ABI1: variants seen among roughly 807,000 people sequenced by gnomAD.
ABI1 encodes abl interactor 1.
In ABI1, 14 loss-of-function variants were observed where a neutral mutation model predicts 54.6. The observed-to-expected ratio is 0.26, with a 90% CI of 0.17 to 0.40. ABI1 has a LOEUF of 0.40. Among genes scored for constraint, ABI1 ranks in the 10% least tolerant of loss-of-function variants. The pLI is 1.00. For synonymous variants in ABI1, 194 were observed against 209.3 expected (o/e 0.93, Z 0.63); for missense variants, 443 against 598.3 (o/e 0.74, Z 2.71).
chr10:26,811,415 T>C (rs973354879), intron 2 of ABI1, among the ~76,000 whole-genome samples: 9 of 152,270 alleles, frequency 5.9e-5, no homozygotes, highest in East Asian at 1.9e-4. Context: ...AAAGCAAGCA[T>C]GCTTAATTAA....
Position 26,777,115 on chromosome 10 carries a change from G to T in ABI1, c.412C>A (p.Arg138=), listed in dbSNP as rs561788174. Residue 138 remains arginine, a synonymous_variant, in exon 3 of 11, where the codon CGG becomes AGG. Coordinates refer to ENST00000376140, the MANE Select transcript of ABI1 (RefSeq NM_001012750.3). ...ANMERPVRYI[R]KPIDYTVLDD... Reference sequence around the variant, plus strand: ...AGAACTGTGTAATCGATAGGTTTCCGAATATACCTTACAGGGCGCTCCATA... The same window carrying T: ...AGAACTGTGTAATCGATAGGTTTCCTAATATACCTTACAGGGCGCTCCATA... 6.2e-7 allele frequency: 1 copy of T among 1,613,568 alleles called. No homozygotes were observed. The highest frequency in any genetic ancestry group is 8.5e-7 in the Non-Finnish European group (1 of 1,179,884).
At chr10:26,853,299 C>CT (rs1266520363) in intron 1 of ABI1, among the ~76,000 whole-genome samples, 5 of 94,718 alleles carry the variant, frequency 5.3e-5, no homozygotes, top group Admixed American at 1.0e-4. Flanking sequence ...TCAACAATGC[C>CT]CTTTTTTTTT....
chr10:26,819,504 T>C (rs1206440179), intron 2 of ABI1, among the ~76,000 whole-genome samples: 1 of 152,206 alleles, frequency 6.6e-6, no homozygotes, highest in Admixed American at 6.5e-5. Context: ...TTTACCTTCC[T>C]TAATAATTGA....
chr10:26,756,396 A>G (rs1838311187), intron 8 of ABI1, among the ~76,000 whole-genome samples: 1 of 152,170 alleles, frequency 6.6e-6, no homozygotes, highest in African/African-American at 2.4e-5. Context: ...TCCTAAATTT[A>G]CAAGGGAATA....
At chr10:26,859,716 C>G (rs117838627) in intron 1 of ABI1, among the ~76,000 whole-genome samples, 2 of 152,292 alleles carry the variant, frequency 1.3e-5, no homozygotes, top group East Asian at 3.9e-4. Flanking sequence ...CGTTGTAGTT[C>G]AGAGGCTACC....
chr10:26,846,084 G>A (rs1372814399), intron 1 of ABI1, among the ~76,000 whole-genome samples: 3 of 151,560 alleles, frequency 2.0e-5, no homozygotes, highest in African/African-American at 7.3e-5. Flanking sequence ...AGAGGTTGCA[G>A]TGAGCTGAGA....
intron 10 of ABI1, among the ~76,000 whole-genome samples, chr10:26,750,465 G>A (rs1450410274): frequency 2.0e-5 from 3 of 152,202 alleles, no homozygotes; most frequent in Non-Finnish European, 2.9e-5. Context: ...CTGCACTCCA[G>A]CCTGGGAGAC....
intron 9 of ABI1, among the ~76,000 whole-genome samples, chr10:26,754,288 T>C (rs1289972061): frequency 6.6e-6 from 1 of 152,192 alleles, no homozygotes; most frequent in Non-Finnish European, 1.5e-5. Context: ...TAGCTGGAAC[T>C]ACAGGCACAT....
intron 2 of ABI1, among the ~76,000 whole-genome samples, chr10:26,801,942 A>T (rs1178448823): frequency 6.6e-6 from 1 of 152,262 alleles, no homozygotes; most frequent in Non-Finnish European, 1.5e-5. Context: ...AAATGCTATG[A>T]AGGGAAAGTA....
intron 1 of ABI1, among the ~76,000 whole-genome samples, chr10:26,854,228 A>T (rs1015357777): frequency 2.0e-5 from 3 of 152,214 alleles, no homozygotes; most frequent in African/African-American, 7.2e-5. Flanking sequence ...GAGGTTCTAA[A>T]CAGACCAGGA....
chr10:26,797,134 C>G (rs1481562942), intron 2 of ABI1, among the ~76,000 whole-genome samples: 1 of 152,076 alleles, frequency 6.6e-6, no homozygotes. Context: ...TTTTTTAAGT[C>G]TAAAGGAAAG....
In ABI1 at chr10:26,759,098, G is replaced by A; in HGVS notation, c.961C>T (p.His321Tyr). 6.2e-7 allele frequency: 1 copy of A among 1,614,038 alleles called. No homozygotes were observed. The change falls in exon 8 of 11, where the codon CAT (histidine) becomes TAT (tyrosine). Residue 321 changes from histidine to tyrosine, a missense_variant. Transcript: ENST00000376140. ...GAATAAAGTGGACCTCCATTAACAT[G>A]AGGCTGAGCAGAAAATTGAGCAGTC... Reference protein sequence around the residue: ...SVTAQFSAQPHVNGGPLYSQN... With the variant: ...SVTAQFSAQPYVNGGPLYSQN...
chr10:26,763,820 G>A, intron 7 of ABI1: 1 of 1,430,894 alleles, frequency 7.0e-7, no homozygotes, highest in South Asian at 1.1e-5. Context: ...CTAGCACAGA[G>A]GAGTTTATTA....
chr10:26,858,620 G>C (rs938482476), intron 1 of ABI1, among the ~76,000 whole-genome samples: 2 of 147,692 alleles, frequency 1.4e-5, no homozygotes, highest in African/African-American at 5.0e-5. Flanking sequence ...TATAAAGTGA[G>C]AGACTGTATG....
In ABI1 at chr10:26,860,002, T is replaced by C. The variant is rs1034766320; in HGVS notation, c.117+745A>G. Among the ~76,000 whole-genome samples the C allele has an allele frequency of 6.6e-6, 1 of 150,908 alleles. No homozygotes were observed. The highest frequency in any genetic ancestry group is 2.4e-5 in the African/African-American group (1 of 41,042). On this transcript the variant is annotated intron_variant, in intron 1 of 10. Coordinates refer to ENST00000376140, the MANE Select transcript of ABI1 (RefSeq NM_001012750.3). This position sits in a 1 kb window ranked among gnomAD's most constrained non-coding sequence, Gnocchi z 4.1. ...GAAAACGATGAGAGGGGGAAAAAAA[T>C]AAAAAAAACCCGACTTGAAAATGGA...
intron 1 of ABI1, among the ~76,000 whole-genome samples, chr10:26,857,899 A>AATCTTTTCAG (rs1204306681): frequency 3.9e-5 from 6 of 152,006 alleles, no homozygotes; most frequent in Admixed American, 3.9e-4. Flanking sequence ...AATGTAGTAG[A>AATCTTTTCAG]ATCTTTTCAG....
intron 2 of ABI1, among the ~76,000 whole-genome samples, chr10:26,801,175 G>C (rs1327270766): frequency 1.3e-5 from 2 of 152,226 alleles, no homozygotes; most frequent in Non-Finnish European, 2.9e-5. Context: ...TTAGATGGTA[G>C]CAATGTATCA....
chr10:26,828,464 C>T (rs550946065), intron 1 of ABI1, among the ~76,000 whole-genome samples: 1 of 152,222 alleles, frequency 6.6e-6, no homozygotes, highest in African/African-American at 2.4e-5. Context: ...TTGTAAAACA[C>T]GCAGTCTGCA....
chr10:26,787,903 T>C (rs1842907376), intron 2 of ABI1, among the ~76,000 whole-genome samples: 1 of 151,560 alleles, frequency 6.6e-6, no homozygotes, highest in Non-Finnish European at 1.5e-5. Context: ...AATTAGAAAA[T>C]TATGTTTGAA....
Sources: allele counts gnomAD v4.1 joint callset (sites outside exome capture counted in the v4.1 genomes callset), GRCh38; gene constraint gnomAD v4.1.1; non-coding constraint Gnocchi (gnomAD v3.1); transcripts MANE v1.5; gene names NCBI Gene and HGNC (gene_info 2026-07-23, HGNC 2026-07-21).